The following PLIN2 variants were observed in gnomAD, a reference collection of about 807,000 sequenced individuals.
The protein encoded by PLIN2 is perilipin 2.
In PLIN2, 33 loss-of-function variants were observed where a neutral mutation model predicts 30.6. The ratio of observed to expected loss-of-function variants is 1.08; its 90% CI spans 0.82 to 1.44. The LOEUF is 1.44. PLIN2 is among the 40% of genes most tolerant of loss of function. PLIN2 has a pLI of 0.00. For missense variants in PLIN2, 610 were observed against 531.8 expected (o/e 1.15, Z -1.45); for synonymous variants, 205 against 201.1 (o/e 1.02, Z -0.16).
intron 5 of PLIN2, among the ~76,000 whole-genome samples, chr9:19,120,040 C>G (rs951988770): frequency 6.6e-6 from 1 of 151,986 alleles, no homozygotes; most frequent in Non-Finnish European, 1.5e-5. Flanking sequence ...TGCATCTACA[C>G]GTTTCTCCCA....
intron 7 of PLIN2, among the ~76,000 whole-genome samples, chr9:19,118,047 C>T (rs1818257699): frequency 1.3e-5 from 2 of 152,186 alleles, no homozygotes; most frequent in African/African-American, 4.8e-5. Flanking sequence ...CTGGCTGTAT[C>T]CCCTGTTAGT....
chr9:19,122,058 G>A lies in PLIN2; in HGVS notation c.310-893C>T, dbSNP rs182006168. On this transcript the variant is annotated intron_variant, in intron 4 of 7. Coordinates refer to ENST00000276914, the MANE Select transcript of PLIN2 (RefSeq NM_001122.4). ...CAGGAGGAAGAGACAGCAGTGAGCC[G>A]AGATTGTGCCACTGCACTCCAGCCT... 2.5e-3 allele frequency among the ~76,000 whole-genome samples: 348 copies of A among 137,256 alleles called. 5 individuals carry two copies. The highest frequency in any genetic ancestry group is 9.4e-3 in the African/African-American group (342 of 36,464). 90.0% of individuals were successfully genotyped at this position (137,256 alleles called of 152,430 possible).
intron 4 of PLIN2, among the ~76,000 whole-genome samples, chr9:19,121,499 A>G (rs1818314949): frequency 6.6e-6 from 1 of 151,502 alleles, no homozygotes; most frequent in African/African-American, 2.4e-5. Context: ...CAAAAAAAAA[A>G]AAAAAAAAAG....
chr9:19,123,409 G>A (rs1384190652), intron 4 of PLIN2, 156 bp downstream of exon 4: 3 of 1,551,980 alleles, frequency 1.9e-6, no homozygotes, highest in Non-Finnish European at 1.7e-6. Flanking sequence ...AACAGTTCAG[G>A]AAGTAAGGAA....
rs757020823 is a variant in PLIN2 at position 19,121,175 on chromosome 9, G to T, written c.310-10C>A. The stretch of plus-strand genomic sequence containing the variant: ...TGGCATTGGCAACAATCTGTAAGTA[G>T]AAAAGCAGATCCCCTGGCTGGTGAG... On this transcript the variant is annotated splice_polypyrimidine_tract_variant and intron_variant, in intron 4 of 7. Transcript: ENST00000276914. 6.2e-7 allele frequency: 1 copy of T among 1,612,526 alleles called. No homozygotes were observed. The highest frequency in any genetic ancestry group is 2.2e-5 in the East Asian group (1 of 44,856).
chr9:19,125,624 C>G (rs1255263647), intron 3 of PLIN2: 1 of 153,560 alleles, frequency 6.5e-6, no homozygotes, highest in Non-Finnish European at 1.4e-5. Flanking sequence ...AAACATCTGC[C>G]AAAGCTATGA....
At chr9:19,121,974 C>T (rs753093401) in intron 4 of PLIN2, among the ~76,000 whole-genome samples, 2 of 151,448 alleles carry the variant, frequency 1.3e-5, no homozygotes, top group Non-Finnish European at 2.9e-5. Flanking sequence ...CTGGGTGTGG[C>T]GGGGCGTGCC....
At chr9:19,116,674 A>G (rs753127503) in intron 7 of PLIN2, 25 bp from the exon 8 acceptor site, 10 of 1,599,666 alleles carry the variant, frequency 6.3e-6, no homozygotes, top group Non-Finnish European at 8.5e-6. Context: ...TAAAATTAGC[A>G]GTGGATCCAA....
rs567877486 is a variant in PLIN2, at chr9:19,127,035, C to T, written c.-23+384G>A. On this transcript the variant is annotated intron_variant, in intron 1 of 7. Transcript: ENST00000276914. This position sits in a 1 kb window ranked among gnomAD's most constrained non-coding sequence, Gnocchi z 4.3. ...CCAGCCTGGGCGACAGAGCGAGACT[C>T]CGTCAAAAAAAAAATGCGGTTTTCT... Among the ~76,000 whole-genome samples the T allele has an allele frequency of 2.7e-5, 4 of 147,314 alleles. No individual in the cohort carries two copies. Among genetic ancestry groups the T allele is most frequent in the Admixed American group, 2.7e-4 (4 of 15,066 alleles).
At chr9:19,113,956 G>T (rs945125611), downstream of PLIN2, among the ~76,000 whole-genome samples, 7 of 151,952 alleles carry the variant, frequency 4.6e-5, no homozygotes, top group African/African-American at 1.7e-4. Flanking sequence ...TGTATTTTTA[G>T]TAGAGACAAG....
At chr9:19,117,440 T>C (rs1818245622) in intron 7 of PLIN2, among the ~76,000 whole-genome samples, 2 of 152,004 alleles carry the variant, frequency 1.3e-5, no homozygotes, top group Non-Finnish European at 2.9e-5. Flanking sequence ...ATTACAGGTG[T>C]GAGCCATTGC....
intron 4 of PLIN2, among the ~76,000 whole-genome samples, chr9:19,122,014 C>A (rs541862066): frequency 6.9e-6 from 1 of 144,826 alleles, no homozygotes; most frequent in South Asian, 2.1e-4. Flanking sequence ...GAGGCTGAAG[C>A]AGGACAATTG....
At chr9:19,124,144 G>T (rs1818362189) in intron 3 of PLIN2, among the ~76,000 whole-genome samples, 1 of 152,098 alleles carries the variant, frequency 6.6e-6, no homozygotes, top group African/African-American at 2.4e-5. Flanking sequence ...AGGAAATATG[G>T]GGGTGTGAGG....
chr9:19,123,898 A>T (rs1364512546), intron 3 of PLIN2, among the ~76,000 whole-genome samples: 1 of 151,914 alleles, frequency 6.6e-6, no homozygotes, highest in Non-Finnish European at 1.5e-5. Flanking sequence ...GTGCGCCTGT[A>T]GTCCCAGCTA....
rs1282549646 is a variant in PLIN2, at chr9:19,123,616, C to A, written c.258G>T (p.Gly86=). The A allele has an allele frequency of 3.1e-6, 5 of 1,613,910 alleles. No homozygotes were observed. Among genetic ancestry groups the A allele is most frequent in the African/African-American group, 1.3e-5 (1 of 74,928 alleles). Residue 86 remains glycine, a synonymous_variant, in exon 4 of 8, where the codon GGG becomes GGT. Transcript: ENST00000276914. ...IAVANTYACK[G]LDRIEERLPI... ...GCAGTCTCTCCTCAATCCTGTCTAG[C>A]CCCTTACAGGCATAGGTATTGGCAA...
At chr9:19,125,987 A>G (rs1230655293) in intron 3 of PLIN2, 127 bp downstream of exon 3, 6 of 681,686 alleles carry the variant, frequency 8.8e-6, no homozygotes, top group Admixed American at 2.7e-5. Context: ...GGGTCACCTG[A>G]AAGTTTCTAG....
At chr9:19,109,664 A>G (rs182610903) in intron 2 of PLIN2, among the ~76,000 whole-genome samples, 63 of 151,732 alleles carry the variant, frequency 4.2e-4, no homozygotes, top group Admixed American at 3.9e-3. Flanking sequence ...AAGAGCTAAC[A>G]GCAACAAAAA....
chr9:19,112,052 A>G (rs1387806617), downstream of PLIN2, among the ~76,000 whole-genome samples: 1 of 152,188 alleles, frequency 6.6e-6, no homozygotes, highest in Non-Finnish European at 1.5e-5. Flanking sequence ...TCTAGCGCAA[A>G]TTTAAAAAGC....
chr9:19,116,490 G>A lies in PLIN2; in HGVS notation c.1072C>T (p.Arg358Cys), dbSNP rs564077653. 2.7e-5 allele frequency: 43 copies of A among 1,614,148 alleles called. No individual in the cohort carries two copies. Among genetic ancestry groups the A allele is most frequent in the South Asian group, 2.3e-4 (21 of 91,088 alleles). The change falls in exon 8 of 8, where the codon CGC becomes TGC. Residue 358 changes from arginine (R) to cysteine (C), a missense_variant. Coordinates refer to ENST00000276914, the MANE Select transcript of PLIN2 (RefSeq NM_001122.4). ...VMAGDIYSVF[R>C]NAASFKEVSD... ...ACTTCTTTAAAGGAGGCAGCATTGC[G>A]GAACACTGAGTAGATGTCGCCTGCC...
Sources: allele counts gnomAD v4.1 joint callset (sites outside exome capture counted in the v4.1 genomes callset), GRCh38; gene constraint gnomAD v4.1.1; non-coding constraint Gnocchi (gnomAD v3.1); transcripts MANE v1.5; gene names NCBI Gene and HGNC (gene_info 2026-07-23, HGNC 2026-07-21).